KIF26B: variants seen among roughly 807,000 people sequenced by gnomAD.
KIF26B encodes the protein kinesin family member 26B, also known as kinesin-like protein KIF26B.
KIF26B carries 63 observed loss-of-function variants against 151.2 expected under a neutral mutation model. That is an observed-to-expected ratio of 0.42 (90% CI 0.34 to 0.51). KIF26B has a LOEUF of 0.51. Ranked by LOEUF, KIF26B falls within the 20% of genes least tolerant of loss-of-function variation. The pLI, the probability that KIF26B is intolerant of heterozygous loss-of-function variation, is 0.07. For missense variants in KIF26B, 2,813 were observed against 2,913.6 expected (o/e 0.97, Z 0.79); for synonymous variants, 1,357 against 1,262.1 (o/e 1.08, Z -1.59).
chr1:245,182,610 AT>A (rs1327569216), intron 2 of KIF26B, among the ~76,000 whole-genome samples: 2 of 152,062 alleles, frequency 1.3e-5, no homozygotes, highest in Non-Finnish European at 2.9e-5. Context: ...TTGGTAGTTG[AT>A]ATGGCAATTC....
intron 10 of KIF26B, among the ~76,000 whole-genome samples, chr1:245,658,637 C>T (rs777360850): frequency 3.3e-5 from 5 of 152,168 alleles, no homozygotes; most frequent in Non-Finnish European, 7.4e-5. Context: ...AGCAATCCTC[C>T]TGCCTTGGCC....
intron 2 of KIF26B, among the ~76,000 whole-genome samples, chr1:245,258,541 T>G (rs888098726): frequency 1.3e-5 from 2 of 152,108 alleles, no homozygotes; most frequent in African/African-American, 4.8e-5. Context: ...GGTAAACAAA[T>G]GGGATCCATA....
chr1:245,308,918 A>G (rs1424343641), intron 2 of KIF26B, among the ~76,000 whole-genome samples: 1 of 152,230 alleles, frequency 6.6e-6, no homozygotes, highest in East Asian at 1.9e-4. Flanking sequence ...AGACTGCACC[A>G]TGAGCTTCTC....
chr1:245,443,418 C>T (rs1273833439), intron 4 of KIF26B, among the ~76,000 whole-genome samples: 1 of 95,920 alleles, frequency 1.0e-5, no homozygotes, highest in South Asian at 4.2e-4. Flanking sequence ...GGTCATCTCC[C>T]TCACTGTTCA....
At chr1:245,582,391 G>A (rs1320510585) in intron 5 of KIF26B, among the ~76,000 whole-genome samples, 2 of 151,910 alleles carry the variant, frequency 1.3e-5, no homozygotes, top group Admixed American at 6.5e-5. Context: ...ATTTTGAGTT[G>A]TTTTACAACT....
At chr1:245,576,323 T>C (rs895557602) in intron 5 of KIF26B, among the ~76,000 whole-genome samples, 12 of 152,198 alleles carry the variant, frequency 7.9e-5, no homozygotes, top group Non-Finnish European at 1.8e-4. Flanking sequence ...GGAGTTTTAT[T>C]TTCCCTTTCA....
At chr1:245,199,702 G>A (rs370939866) in intron 2 of KIF26B, among the ~76,000 whole-genome samples, 92 of 152,118 alleles carry the variant, frequency 6.0e-4, no homozygotes, top group East Asian at 3.9e-3. Flanking sequence ...AGGCTTGGTC[G>A]CAAACTCCTG....
intron 2 of KIF26B, among the ~76,000 whole-genome samples, chr1:245,300,574 G>T (rs1671412854): frequency 6.6e-6 from 1 of 151,144 alleles, no homozygotes; most frequent in East Asian, 1.9e-4. Context: ...TGTTGCCCAG[G>T]CTATAGTACG....
chr1:245,235,824 C>T (rs932329581), intron 2 of KIF26B, among the ~76,000 whole-genome samples: 11 of 151,996 alleles, frequency 7.2e-5, no homozygotes, highest in South Asian at 4.2e-4. Flanking sequence ...AGTGAAATAC[C>T]GGGTTTGTCA....
At position 245,375,091 on chromosome 1, in the gene KIF26B, T is replaced by C. The variant is rs890418084; in HGVS notation, c.999+7724T>C. On this transcript the variant is annotated intron_variant, in intron 3 of 14. Coordinates refer to ENST00000407071, the MANE Select transcript of KIF26B (RefSeq NM_018012.4). This position sits in a 1 kb window ranked among gnomAD's most constrained non-coding sequence, Gnocchi z 4.2. ...GATGGGGGATCATTTAATTTAATTT[T>C]ATTATTATTTTTTGAGACGGCGTCT... Among the ~76,000 whole-genome samples, 1 of 152,122 alleles carries C rather than the reference T, an allele frequency of 6.6e-6. No individual in the cohort carries two copies.
chr1:245,210,508 C>CTTTTTTTT (rs35803033), intron 2 of KIF26B, among the ~76,000 whole-genome samples: 6 of 129,734 alleles, frequency 4.6e-5, no homozygotes, highest in African/African-American at 8.7e-5. Context: ...ATATCCTAAG[C>CTTTTTTTT]TTTTTTTTTT....
chr1:245,501,432 G>A (rs1441375186), intron 4 of KIF26B, among the ~76,000 whole-genome samples: 1 of 152,146 alleles, frequency 6.6e-6, no homozygotes, highest in Non-Finnish European at 1.5e-5. Flanking sequence ...TTTACTCTGT[G>A]AGAGATTTGA....
chr1:245,507,132 G>A (rs1040556853), intron 4 of KIF26B, among the ~76,000 whole-genome samples: 1 of 152,206 alleles, frequency 6.6e-6, no homozygotes. Context: ...CAACATTTTG[G>A]TGAGGGAGGA....
chr1:245,275,734 C>T (rs1251506385), intron 2 of KIF26B, among the ~76,000 whole-genome samples: 4 of 152,120 alleles, frequency 2.6e-5, no homozygotes, highest in African/African-American at 9.7e-5. Flanking sequence ...TATATGTTTA[C>T]CTTTGGTAGT....
At chr1:245,286,889 C>T (rs1671171825) in intron 2 of KIF26B, among the ~76,000 whole-genome samples, 1 of 152,174 alleles carries the variant, frequency 6.6e-6, no homozygotes, top group African/African-American at 2.4e-5. Flanking sequence ...AAGCAGATCA[C>T]TTGAGGTCAG....
In KIF26B at chr1:245,687,791, A is replaced by G; in HGVS notation, c.4808A>G (p.Lys1603Arg). ...KGTPPLPPVR[K>R]SSLDQKNRAS... The stretch of plus-strand genomic sequence containing the variant: ...ACTCCCCCTCTGCCCCCTGTCCGAA[A>G]GTCCAGCCTGGACCAGAAGAACCGG... The change falls in exon 12 of 15, where the codon AAG becomes AGG. Residue 1603 changes from lysine to arginine, a missense_variant. Physicochemically the swap from Lys to Arg is conservative, Grantham distance 26. Coordinates refer to ENST00000407071, the MANE Select transcript of KIF26B (RefSeq NM_018012.4). This position sits in a 1 kb window ranked among gnomAD's most constrained non-coding sequence, Gnocchi z 4.9. 1 of 1,589,276 alleles carries G rather than the reference A, an allele frequency of 6.3e-7. No homozygotes were observed. Among genetic ancestry groups the G allele is most frequent in the Non-Finnish European group, 8.6e-7 (1 of 1,168,436 alleles).
chr1:245,457,677 T>C (rs1175612466), intron 4 of KIF26B, among the ~76,000 whole-genome samples: 1 of 152,228 alleles, frequency 6.6e-6, no homozygotes, highest in Non-Finnish European at 1.5e-5. Flanking sequence ...GACATAAGTG[T>C]ACAAATGGTA....
At chr1:245,662,264 CAATA>C (rs2044154435) in intron 10 of KIF26B, among the ~76,000 whole-genome samples, 1 of 150,108 alleles carries the variant, frequency 6.7e-6, no homozygotes, top group African/African-American at 2.5e-5. Context: ...CACACACACC[CAATA>C]TATATACACC....
At chr1:245,314,435 G>C (rs971890329) in intron 2 of KIF26B, among the ~76,000 whole-genome samples, 1 of 152,094 alleles carries the variant, frequency 6.6e-6, no homozygotes, top group Non-Finnish European at 1.5e-5. Flanking sequence ...CTGGGCGACA[G>C]AGCGAGACTC....
Sources: gnomAD v4.1 joint callset for allele counts (sites outside exome capture counted in the v4.1 genomes callset) on GRCh38, gnomAD v4.1.1 for gene constraint, Gnocchi (gnomAD v3.1) non-coding constraint, MANE v1.5 for transcripts, NCBI Gene and HGNC (gene_info 2026-07-23, HGNC 2026-07-21) for gene names.